Variants in DNAI1 observed in about 807,000 individuals in gnomAD.
DNAI1 encodes the protein dynein, axonemal, intermediate polypeptide 1.
DNAI1 carries 67 observed loss-of-function variants against 92.0 expected under a neutral mutation model. The ratio of observed to expected loss-of-function variants is 0.73; its 90% CI spans 0.60 to 0.89. The LOEUF is 0.89. DNAI1 is among the 40% of genes least tolerant of loss of function. The probability of loss-of-function intolerance (pLI) is 0.00; values close to 1 mark genes in which losing one functional copy is unlikely to be tolerated. For missense variants in DNAI1, 839 were observed against 866.6 expected, an observed-to-expected ratio of 0.97 and a Z score of 0.40; for synonymous variants, 323 against 319.6, an observed-to-expected ratio of 1.01 and a Z score of -0.11.
At chr9:34,505,512 C>T (rs533588947) in intron 12 of DNAI1, among the ~76,000 whole-genome samples, 39 of 152,182 alleles carry the variant, frequency 2.6e-4, no homozygotes, top group Non-Finnish European at 5.1e-4. Flanking sequence ...TATTTACAGG[C>T]TCAGGGGATT....
chr9:34,492,207 G>C (rs192375785), intron 8 of DNAI1, among the ~76,000 whole-genome samples: 16 of 151,924 alleles, frequency 1.1e-4, no homozygotes, highest in Non-Finnish European at 1.5e-4. Context: ...ATAGGAGACT[G>C]GGGGGGAGTT....
intron 1 of DNAI1, among the ~76,000 whole-genome samples, chr9:34,482,758 C>G (rs983650250): frequency 6.6e-6 from 1 of 152,284 alleles, no homozygotes; most frequent in Admixed American, 6.5e-5. Flanking sequence ...CTGCGCCTTG[C>G]GCTCGCATTC....
At chr9:34,490,160 CA>C (rs764152730) in intron 6 of DNAI1, 36 bp downstream of exon 6, 5 of 1,613,354 alleles carry the variant, frequency 3.1e-6, no homozygotes, top group Non-Finnish European at 4.2e-6. Context: ...CCTCTTCTTC[CA>C]GCTCAAGCTG....
intron 1 of DNAI1, among the ~76,000 whole-genome samples, chr9:34,477,976 T>C: frequency 7.9e-6 from 1 of 126,984 alleles, no homozygotes; most frequent in Non-Finnish European, 1.6e-5. Context: ...GACCTCTGCC[T>C]CCCGGGTTCA....
intron 18 of DNAI1, among the ~76,000 whole-genome samples, chr9:34,516,907 T>C (rs567084744): frequency 8.8e-4 from 134 of 151,952 alleles, no homozygotes; most frequent in African/African-American, 3.0e-3. Flanking sequence ...GCCCATCTAA[T>C]TTTTTGTATT....
At chr9:34,502,471 A>G (rs1824850023) in intron 12 of DNAI1, among the ~76,000 whole-genome samples, 1 of 152,102 alleles carries the variant, frequency 6.6e-6, no homozygotes, top group South Asian at 2.1e-4. Context: ...CCAGGTCTGA[A>G]GCAGGGGTGT....
chr9:34,497,370 A>G (rs527983213), intron 10 of DNAI1, among the ~76,000 whole-genome samples, 171 bp downstream of exon 10: 2 of 152,344 alleles, frequency 1.3e-5, no homozygotes, highest in Non-Finnish European at 2.9e-5. Context: ...TGGATTAACC[A>G]TGACTGATGG....
intron 13 of DNAI1, among the ~76,000 whole-genome samples, chr9:34,507,614 C>CA (rs551640538): frequency 1.2e-4 from 19 of 152,140 alleles, no homozygotes; most frequent in Non-Finnish European, 2.6e-4. Flanking sequence ...CCATGTAGTT[C>CA]AAAGTCATGT....
chr9:34,484,856 C>T (rs1824439634), intron 2 of DNAI1, among the ~76,000 whole-genome samples: 4 of 152,190 alleles, frequency 2.6e-5, no homozygotes, highest in Non-Finnish European at 5.9e-5. Context: ...TAGGGAGGAA[C>T]CAGTTCTTCT....
rs876657683 is a variant in DNAI1, at chr9:34,489,393, TC to T, written c.336del (p.Asp114ThrfsTer14). 5.6e-6 allele frequency: 9 copies of T among 1,613,958 alleles called. No homozygotes were observed. Among genetic ancestry groups the T allele is most frequent in the Admixed American group, 1.7e-5 (1 of 59,998 alleles). On this transcript the variant is annotated frameshift_variant, in exon 5 of 20. Coordinates refer to ENST00000242317, the MANE Select transcript of DNAI1 (RefSeq NM_012144.4). LOFTEE classifies it high-confidence loss of function. ...AVHYTQVGNL[I>X]PKDSDEGRRQ... ...CACTACACCCAGGTTGGGAACCTGA[TC>T]CCCAAAGACTCAGATGAAGGACGGC...
intron 3 of DNAI1, 45 bp downstream of exon 3, chr9:34,485,285 T>A: frequency 6.2e-7 from 1 of 1,611,952 alleles, no homozygotes; most frequent in Non-Finnish European, 8.5e-7. Context: ...CCTCTTCCAG[T>A]TTCGGAGATG....
chr9:34,474,140 G>A lies in DNAI1; in HGVS notation c.49-9308G>A, dbSNP rs980956633. 7.8e-4 allele frequency among the ~76,000 whole-genome samples: 118 copies of A among 152,054 alleles called. 1 individual carries two copies. The highest frequency in any genetic ancestry group is 2.6e-3 in the Admixed American group (39 of 15,266). On this transcript the variant is annotated intron_variant, in intron 1 of 19. Transcript: ENST00000242317. Reference sequence around the variant, plus strand: ...TTTATTTACCTAGACTCCTATTGGCGAATATTTGTGTTTTTCCATTTTAAA... The same window carrying A: ...TTTATTTACCTAGACTCCTATTGGCAAATATTTGTGTTTTTCCATTTTAAA...
chr9:34,502,835 C>G (rs1824859546), intron 12 of DNAI1, among the ~76,000 whole-genome samples: 1 of 152,112 alleles, frequency 6.6e-6, no homozygotes, highest in African/African-American at 2.4e-5. Context: ...GGGCCAGAAG[C>G]CTCTCTGAGC....
rs752863173 is a variant in DNAI1 at position 34,492,493 on chromosome 9, GATATAT to G, written c.682-664_682-659del. On this transcript the variant is annotated intron_variant, in intron 8 of 19. Coordinates refer to ENST00000242317, the MANE Select transcript of DNAI1 (RefSeq NM_012144.4). ...TCCGGGGTGGGGGTGGGGATATGAA[GATATAT>G]ATATATATATATATATATATATATA... Among the ~76,000 whole-genome samples, 438 of 68,246 alleles carry G rather than the reference GATATAT, an allele frequency of 6.4e-3. 23 individuals are homozygous for G. Among genetic ancestry groups the G allele is most frequent in the African/African-American group, 0.013 (265 of 19,676 alleles). The allele number at this position is 68,246 out of a possible 152,430, so 44.8% of individuals were successfully genotyped here. A position where few individuals can be genotyped will look rare whatever the true frequency, so the allele number is the denominator to read the frequency against.
chr9:34,485,619 A>G (rs764882248), intron 4 of DNAI1, 102 bp downstream of exon 4: 22 of 1,108,358 alleles, frequency 2.0e-5, no homozygotes, highest in Non-Finnish European at 3.0e-5. Flanking sequence ...AGAGGAGAGC[A>G]CTTTTAAACT....
chr9:34,516,544 C>T (rs1479658757), intron 18 of DNAI1, among the ~76,000 whole-genome samples: 1 of 152,078 alleles, frequency 6.6e-6, no homozygotes, highest in East Asian at 1.9e-4. Flanking sequence ...CTGGTGTAAG[C>T]CCTGGCTCTG....
intron 12 of DNAI1, 28 bp from the exon 13 acceptor site, chr9:34,506,599 A>G (rs1226527250): frequency 6.2e-7 from 1 of 1,613,722 alleles, no homozygotes; most frequent in African/African-American, 1.3e-5. Context: ...GGATCCTCCA[A>G]CCTCAGCCGC....
intron 1 of DNAI1, among the ~76,000 whole-genome samples, chr9:34,473,430 T>C (rs1824177647): frequency 6.6e-6 from 1 of 151,708 alleles, no homozygotes; most frequent in Admixed American, 6.6e-5. Context: ...GTGGCTGGGA[T>C]TACAGGTACT....
At chr9:34,505,088 G>A (rs147820462) in intron 12 of DNAI1, among the ~76,000 whole-genome samples, 3 of 152,168 alleles carry the variant, frequency 2.0e-5, no homozygotes, top group African/African-American at 4.8e-5. Context: ...TTAGTTTCCC[G>A]TTGCTGCTGG....
Sources: gnomAD v4.1 joint callset for allele counts (sites outside exome capture counted in the v4.1 genomes callset) on GRCh38, gnomAD v4.1.1 for gene constraint, MANE v1.5 for transcripts, NCBI Gene and HGNC (gene_info 2026-07-23, HGNC 2026-07-21) for gene names.